RBCK1: variants seen among roughly 807,000 people sequenced by gnomAD.
RBCK1 encodes RANBP2-type and C3HC4-type zinc finger containing 1.
Under a neutral mutation model 71.1 loss-of-function variants are expected in RBCK1, and 44 were observed. That is an observed-to-expected ratio of 0.62 (90% CI 0.49 to 0.80). RBCK1 has a LOEUF of 0.80. RBCK1 is among the 30% of genes least tolerant of loss of function. The pLI, the probability that RBCK1 is intolerant of heterozygous loss-of-function variation, is 0.00. For missense variants in RBCK1, 569 were observed against 685.0 expected (o/e 0.83, Z 1.89); for synonymous variants, 306 against 279.7 (o/e 1.09, Z -0.94).
Position 422,302 on chromosome 20 carries a change from G to T in RBCK1, c.1029+64G>T. ...CTCCTAAGGAACTGGGCCCTGAGCA[G>T]GCAGCAGACATCTTTCTTTTCTTTC... On this transcript the variant is annotated intron_variant, in intron 8 of 11. Coordinates refer to ENST00000356286, the MANE Select transcript of RBCK1 (RefSeq NM_031229.4). The surrounding 1 kb of genome is among the most constrained non-coding windows in gnomAD (Gnocchi z 5.0). 7.6e-7 allele frequency: 1 copy of T among 1,310,158 alleles called. No individual in the cohort carries two copies. The highest frequency in any genetic ancestry group is 1.1e-6 in the Non-Finnish European group (1 of 920,710). 81.2% of individuals were successfully genotyped at this position (1,310,158 alleles called of 1,614,324 possible). A position where few individuals can be genotyped will look rare whatever the true frequency, so the allele number is the denominator to read the frequency against.
In RBCK1 at chr20:408,747, A is replaced by G; in HGVS notation, c.-11A>G. On this transcript the variant is annotated 5_prime_UTR_variant, in exon 1 of 12. Transcript: ENST00000356286. ...CGGTCCCCCCCAGGGGGATGGGCAC[A>G]GCCACGCCAGATGGACGAGAAGACC... The G allele has an allele frequency of 6.2e-7, 1 of 1,612,572 alleles. No individual in the cohort carries two copies. Among genetic ancestry groups the G allele is most frequent in the Non-Finnish European group, 8.5e-7 (1 of 1,179,532 alleles).
At position 417,399 on chromosome 20, in the gene RBCK1, G is replaced by T; in HGVS notation, c.168-127G>T. The T allele has an allele frequency of 1.8e-6, 1 of 553,580 alleles. No individual in the cohort carries two copies. Among genetic ancestry groups the T allele is most frequent in the Non-Finnish European group, 3.1e-6 (1 of 327,524 alleles). The allele number at this position is 553,580 out of a possible 1,614,324, so 34.3% of individuals were successfully genotyped here. On this transcript the variant is annotated intron_variant, in intron 2 of 11. Coordinates refer to ENST00000356286, the MANE Select transcript of RBCK1 (RefSeq NM_031229.4). This position sits in a 1 kb window ranked among gnomAD's most constrained non-coding sequence, Gnocchi z 4.7. Reference sequence around the variant, plus strand: ...GGGCCTACCCCAGACTGGGGTTTGTGTGTGTGTGTGTGTGTGTGTGTGTGC... The same window carrying T: ...GGGCCTACCCCAGACTGGGGTTTGTTTGTGTGTGTGTGTGTGTGTGTGTGC...
At position 420,877 on chromosome 20, in the gene RBCK1, C is replaced by A; in HGVS notation, c.763C>A (p.Gln255Lys). Residue 255 changes from glutamine to lysine, a missense_variant, in exon 7 of 12, where the codon CAG (glutamine) becomes AAG (lysine). Around this residue, in one of 2 missense-constraint regions of RBCK1, gnomAD observed 358 missense variants for 375.6 expected, o/e 0.95. Coordinates refer to ENST00000356286, the MANE Select transcript of RBCK1 (RefSeq NM_031229.4). ...CCCCGCCCCGTGTGCCCAGCGGAAG[C>A]AGCAGCAGCAGGAGGGGAACTACCT... ...EALRQYQQRK[Q>K]QQQEGNYLQH... 1.3e-6 allele frequency: 2 copies of A among 1,548,660 alleles called. No individual in the cohort carries two copies. Among genetic ancestry groups the A allele is most frequent in the South Asian group, 1.2e-5 (1 of 84,170 alleles).
At chr20:410,538 G>A (rs142975858) in intron 2 of RBCK1, 11 of 779,604 alleles carry the variant, frequency 1.4e-5, no homozygotes, top group East Asian at 7.3e-5. Context: ...CACTTCTTCC[G>A]TTAATTCCTG....
At position 428,559 on chromosome 20, in the gene RBCK1, G is replaced by A. The variant is rs1399160518; in HGVS notation, c.1278G>A (p.Val426=). Residue 426 remains valine (V), a synonymous_variant, in exon 10 of 12, where the codon GTG becomes GTA. Transcript: ENST00000356286. This position sits in a 1 kb window ranked among gnomAD's most constrained non-coding sequence, Gnocchi z 5.7. ...EDLALRAQND[V]AARQTTEMLK... Reference sequence around the variant, plus strand: ...TGGCCCTGCGGGCTCAGAACGATGTGGCTGCCCGGCAGACGACAGAGATGC... The same window carrying A: ...TGGCCCTGCGGGCTCAGAACGATGTAGCTGCCCGGCAGACGACAGAGATGC... The A allele has an allele frequency of 6.2e-7, 1 of 1,612,408 alleles. No homozygotes were observed. The highest frequency in any genetic ancestry group is 2.2e-5 in the East Asian group (1 of 44,844).
intron 2 of RBCK1, among the ~76,000 whole-genome samples, chr20:416,918 G>A (rs955059509): frequency 2.0e-5 from 3 of 152,184 alleles, no homozygotes; most frequent in African/African-American, 7.2e-5. Context: ...GAGCCCAGGA[G>A]GTTGATACTG....
chr20:408,732 C>A lies in RBCK1; in HGVS notation c.-26C>A. On this transcript the variant is annotated 5_prime_UTR_variant, in exon 1 of 12. Transcript: ENST00000356286. ...ATTTCCCAGGAGGCACGGTCCCCCC[C>A]AGGGGGATGGGCACAGCCACGCCAG... The A allele has an allele frequency of 6.2e-7, 1 of 1,612,358 alleles. No homozygotes were observed. The highest frequency in any genetic ancestry group is 8.5e-7 in the Non-Finnish European group (1 of 1,179,554).
Position 430,603 on chromosome 20 carries a change from C to A in RBCK1, c.*173C>A. On this transcript the variant is annotated 3_prime_UTR_variant, in exon 12 of 12. Coordinates refer to ENST00000356286, the MANE Select transcript of RBCK1 (RefSeq NM_031229.4). This position sits in a 1 kb window ranked among gnomAD's most constrained non-coding sequence, Gnocchi z 5.6. ...CAGTGCCTTTGTCCTTCCCTTGGGG[C>A]TTGCCGGCCAGACTTCTCTCCCCTG... is the stretch of plus-strand genomic sequence containing the variant. 1.5e-6 allele frequency: 1 copy of A among 660,800 alleles called. No individual in the cohort carries two copies. The allele number at this position is 660,800 out of a possible 1,614,324, so 40.9% of individuals were successfully genotyped here. A position where few individuals can be genotyped will look rare whatever the true frequency, so the allele number is the denominator to read the frequency against.
In RBCK1 at chr20:417,871, G is replaced by T. The variant is rs139191851; in HGVS notation, c.401G>T (p.Arg134Leu). The T allele has an allele frequency of 2.7e-5, 44 of 1,613,114 alleles. No individual in the cohort carries two copies. The highest frequency in any genetic ancestry group is 3.6e-5 in the Non-Finnish European group (42 of 1,180,012). The part of the protein sequence containing the change: ...DSAYLYLLSA[R>L]NTSLNPQELQ... The stretch of plus-strand genomic sequence containing the variant: ...GCCTACCTCTATCTGCTGTCAGCCC[G>T]CAACACCTCCCTCAACCCTCAGGAG... Residue 134 changes from arginine (R) to leucine (L), a missense_variant, in exon 4 of 12, where the codon CGC becomes CTC. By Grantham distance (102) the Arg-to-Leu change is moderately radical. Transcript: ENST00000356286. The surrounding 1 kb of genome is among the most constrained non-coding windows in gnomAD (Gnocchi z 4.7).
Position 427,355 on chromosome 20 carries a change from A to G in RBCK1, c.1072A>G (p.Ile358Val), listed in dbSNP as rs1406594834. The stretch of plus-strand genomic sequence containing the variant: ...TTACCAGCGATTTCTAGACCTGGGC[A>G]TCTCCATTGCTGAAAACCGCAGTGC... ...EDYQRFLDLG[I>V]SIAENRSAFS... Residue 358 changes from isoleucine to valine, a missense_variant, in exon 9 of 12, where the codon ATC becomes GTC. This residue lies in a region of RBCK1 where 211 missense variants were observed against 309.4 expected (regional missense o/e 0.68). Transcript: ENST00000356286. The G allele has an allele frequency of 9.3e-6, 15 of 1,614,052 alleles. No individual in the cohort carries two copies. The South Asian group carries it at 1.5e-4, about 17-fold the overall frequency.
rs1195351926 is a variant in RBCK1, at chr20:419,642, G to A, written c.667G>A (p.Ala223Thr). ...GATGTGCTGCCGGGCGCGCCCCGAG[G>A]CCTACCAGGTCCCCGCCTCATACCA... is the stretch of plus-strand genomic sequence containing the variant. ...CEMCCRARPE[A>T]YQVPASYQPD... Residue 223 changes from alanine to threonine, a missense_variant, in exon 6 of 12, where the codon GCC becomes ACC. Physicochemically the swap from Ala to Thr is moderately conservative, Grantham distance 58. Around this residue, in one of 2 missense-constraint regions of RBCK1, gnomAD observed 358 missense variants for 375.6 expected, o/e 0.95. Coordinates refer to ENST00000356286, the MANE Select transcript of RBCK1 (RefSeq NM_031229.4). The A allele has an allele frequency of 1.3e-6, 2 of 1,587,652 alleles. No homozygotes were observed. The highest frequency in any genetic ancestry group is 1.7e-6 in the Non-Finnish European group (2 of 1,169,062).
At chr20:426,701 C>T (rs1383378652) in intron 8 of RBCK1, among the ~76,000 whole-genome samples, 2 of 151,810 alleles carry the variant, frequency 1.3e-5, no homozygotes, top group Non-Finnish European at 2.9e-5. Context: ...TTTTAGTATA[C>T]AGTTCAGTGG....
Position 428,422 on chromosome 20 carries a change from C to T in RBCK1, c.1210-69C>T, listed in dbSNP as rs2016845823. On this transcript the variant is annotated intron_variant, in intron 9 of 11. Coordinates refer to ENST00000356286, the MANE Select transcript of RBCK1 (RefSeq NM_031229.4). This position sits in a 1 kb window ranked among gnomAD's most constrained non-coding sequence, Gnocchi z 5.7. ...AGTGCCTTTGTGGACTCCTGCCCTG[C>T]ACCTCACCTCTCCCAGCTTCTTAAC... 1 of 1,156,846 alleles carries T rather than the reference C, an allele frequency of 8.6e-7. No homozygotes were observed. Among genetic ancestry groups the T allele is most frequent in the Admixed American group, 2.5e-5 (1 of 40,180 alleles). The allele number at this position is 1,156,846 out of a possible 1,614,324, so 71.7% of individuals were successfully genotyped here. A position where few individuals can be genotyped will look rare whatever the true frequency, so the allele number is the denominator to read the frequency against.
Position 422,328 on chromosome 20 carries a change from T to C in RBCK1, c.1029+90T>C, listed in dbSNP as rs540389313. On this transcript the variant is annotated intron_variant, in intron 8 of 11. Coordinates refer to ENST00000356286, the MANE Select transcript of RBCK1 (RefSeq NM_031229.4). This position sits in a 1 kb window ranked among gnomAD's most constrained non-coding sequence, Gnocchi z 5.0. ...GCAGCAGACATCTTTCTTTTCTTTC[T>C]TTTTTTTTTTTGGAGATGGGGTCTC... 19 of 323,774 alleles carry C rather than the reference T, an allele frequency of 5.9e-5. No homozygotes were observed. Among genetic ancestry groups the C allele is most frequent in the Non-Finnish European group, 8.1e-5 (17 of 210,208 alleles). The allele number at this position is 323,774 out of a possible 1,614,324, so 20.1% of individuals were successfully genotyped here. A position where few individuals can be genotyped will look rare whatever the true frequency, so the allele number is the denominator to read the frequency against.
Position 417,482 on chromosome 20 carries a change from AC to A in RBCK1, c.168-40del. 3 of 1,582,060 alleles carry A rather than the reference AC, an allele frequency of 1.9e-6. No homozygotes were observed. Among genetic ancestry groups the A allele is most frequent in the Non-Finnish European group, 2.6e-6 (3 of 1,153,910 alleles). On this transcript the variant is annotated intron_variant, in intron 2 of 11. Transcript: ENST00000356286. The surrounding 1 kb of genome is among the most constrained non-coding windows in gnomAD (Gnocchi z 4.7). ...GTCTGTAGCCGGTGGCTGAGGCTGGACCCCTGGCCAGAGCCCATGCTGAGCC... is the reference window on the plus strand; with the variant it reads ...GTCTGTAGCCGGTGGCTGAGGCTGGACCCTGGCCAGAGCCCATGCTGAGCC...
At chr20:429,126 G>T in intron 11 of RBCK1, 32 bp downstream of exon 11, 2 of 1,591,780 alleles carry the variant, frequency 1.3e-6, no homozygotes, top group Non-Finnish European at 8.6e-7. Context: ...TGTGGAGAGG[G>T]TGCCCTTGTG....
intron 2 of RBCK1, among the ~76,000 whole-genome samples, chr20:416,351 G>A (rs1413610607): frequency 1.3e-5 from 2 of 151,576 alleles, no homozygotes; most frequent in African/African-American, 4.9e-5. Context: ...TAGTAGAGAC[G>A]GGTTTTCACC....
chr20:424,528 G>GA (rs141226853), intron 8 of RBCK1, among the ~76,000 whole-genome samples: 9,392 of 152,198 alleles, frequency 0.062, 446 homozygotes, highest in East Asian at 0.14. Flanking sequence ...TGCCCCTGGG[G>GA]AAAAGGGGGA....
intron 8 of RBCK1, among the ~76,000 whole-genome samples, chr20:424,757 C>A (rs557520771): frequency 1.5e-4 from 23 of 152,302 alleles, no homozygotes; most frequent in Admixed American, 1.2e-3. Flanking sequence ...GGGCCAGGTT[C>A]ATGCCAAAGG....
Sources: allele counts gnomAD v4.1 joint callset (sites outside exome capture counted in the v4.1 genomes callset), GRCh38; gene constraint gnomAD v4.1.1; regional missense constraint gnomAD v4.1.1; non-coding constraint Gnocchi (gnomAD v3.1); transcripts MANE v1.5; gene names NCBI Gene and HGNC (gene_info 2026-07-23, HGNC 2026-07-21).